FAM219A: variants seen among roughly 807,000 people sequenced by gnomAD.
The protein encoded by FAM219A is protein FAM219A.
Under a neutral mutation model 23.4 loss-of-function variants are expected in FAM219A, and 7 were observed. The observed-to-expected ratio is 0.30, with a 90% confidence interval of 0.17 to 0.56. FAM219A has a LOEUF of 0.56. Among genes scored for constraint, FAM219A ranks in the 20% least tolerant of loss-of-function variants. The probability of loss-of-function intolerance (pLI) is 0.92; values close to 1 mark genes in which losing one functional copy is unlikely to be tolerated. For missense variants in FAM219A, 166 were observed against 246.9 expected (o/e 0.67, Z 2.20); for synonymous variants, 93 against 99.0 (o/e 0.94, Z 0.36).
chr9:34,410,841 A>G (rs1231723487), intron 1 of FAM219A, among the ~76,000 whole-genome samples: 1 of 152,194 alleles, frequency 6.6e-6, no homozygotes, highest in Non-Finnish European at 1.5e-5. Flanking sequence ...GTAGCTGTAC[A>G]ATCTGGGTTT....
chr9:34,404,323 G>C (rs1821555663), intron 2 of FAM219A, among the ~76,000 whole-genome samples: 1 of 152,218 alleles, frequency 6.6e-6, no homozygotes, highest in Non-Finnish European at 1.5e-5. Flanking sequence ...TACAAAAACT[G>C]AAAAGGCTTG....
chr9:34,420,992 A>C (rs113205992), intron 1 of FAM219A, among the ~76,000 whole-genome samples: 13,570 of 105,872 alleles, frequency 0.13, 926 homozygotes, highest in Non-Finnish European at 0.18. Context: ...GTGTGTGTGT[A>C]TGTGTGTGTG....
At chr9:34,401,821 C>G (rs374830232) in intron 4 of FAM219A, 101 bp from the exon 5 acceptor site, 93 of 1,293,750 alleles carry the variant, frequency 7.2e-5, no homozygotes, top group Non-Finnish European at 9.9e-5. Flanking sequence ...ACCTCCCTTA[C>G]AGTTCCAAAT....
rs895446284 is a variant in FAM219A at position 34,398,689 on chromosome 9, A to C, written c.*2275T>G. On this transcript the variant is annotated 3_prime_UTR_variant, in exon 6 of 6. Transcript: ENST00000651358. ...AAGGCAGCAGTCTAAATGAGCCCCCAAAAAGAGGAGGTACCCATGTTCTAG... is the reference window on the plus strand; with the variant it reads ...AAGGCAGCAGTCTAAATGAGCCCCCCAAAAGAGGAGGTACCCATGTTCTAG... 14 of 313,726 alleles carry C rather than the reference A, an allele frequency of 4.5e-5. No individual in the cohort carries two copies. The highest frequency in any genetic ancestry group is 1.1e-4 in the East Asian group (2 of 17,518). The allele number at this position is 313,726 out of a possible 1,614,324, so 19.4% of individuals were successfully genotyped here. A position where few individuals can be genotyped will look rare whatever the true frequency, so the allele number is the denominator to read the frequency against.
intron 1 of FAM219A, among the ~76,000 whole-genome samples, chr9:34,411,798 G>A (rs1821834424): frequency 2.0e-5 from 3 of 152,300 alleles, no homozygotes; most frequent in South Asian, 2.1e-4. Flanking sequence ...TGGGACAAAG[G>A]GAGGGTGGTC....
chr9:34,447,619 T>C (rs1344428045), intron 1 of FAM219A, among the ~76,000 whole-genome samples: 4 of 152,132 alleles, frequency 2.6e-5, no homozygotes, highest in African/African-American at 7.2e-5. Context: ...GGCTTATGGG[T>C]CTCTTCTTGT....
intron 2 of FAM219A, 71 bp downstream of exon 2, chr9:34,405,794 C>T (rs1422495751): frequency 1.4e-6 from 2 of 1,450,324 alleles, no homozygotes; most frequent in Non-Finnish European, 9.6e-7. Context: ...ATTTGTGGCA[C>T]CTCATTGTAG....
At chr9:34,448,328 C>A (rs1823441264) in intron 1 of FAM219A, among the ~76,000 whole-genome samples, 1 of 152,188 alleles carries the variant, frequency 6.6e-6, no homozygotes, top group African/African-American at 2.4e-5. Context: ...AACCAGAATA[C>A]TAGAACTGTT....
intron 1 of FAM219A, among the ~76,000 whole-genome samples, chr9:34,436,346 T>G (rs943258269): frequency 6.6e-6 from 1 of 151,822 alleles, no homozygotes; most frequent in Non-Finnish European, 1.5e-5. Context: ...TGGGTTCAAG[T>G]GATCCTCCCA....
chr9:34,451,033 T>A (rs747939522), intron 1 of FAM219A, among the ~76,000 whole-genome samples: 1 of 152,192 alleles, frequency 6.6e-6, no homozygotes, highest in Non-Finnish European at 1.5e-5. Context: ...TATCTCTGAA[T>A]AACAATAATA....
At chr9:34,422,722 T>G (rs1822324977) in intron 1 of FAM219A, among the ~76,000 whole-genome samples, 1 of 152,140 alleles carries the variant, frequency 6.6e-6, no homozygotes. Context: ...AGAAAATGCG[T>G]TGGAAACTGA....
chr9:34,420,974 G>A (rs574447337), intron 1 of FAM219A, among the ~76,000 whole-genome samples: 3 of 125,526 alleles, frequency 2.4e-5, no homozygotes, highest in East Asian at 2.1e-4. Context: ...AGTGAAACTC[G>A]TGTGTGTGTG....
chr9:34,428,013 C>G (rs1822547836), intron 1 of FAM219A, among the ~76,000 whole-genome samples: 1 of 152,194 alleles, frequency 6.6e-6, no homozygotes, highest in Non-Finnish European at 1.5e-5. Flanking sequence ...GGGCTAAGAT[C>G]AGCCATTAGC....
intron 1 of FAM219A, among the ~76,000 whole-genome samples, chr9:34,442,902 A>G (rs1823233046): frequency 6.6e-6 from 1 of 152,188 alleles, no homozygotes; most frequent in Non-Finnish European, 1.5e-5. Flanking sequence ...TTATTCACCC[A>G]TACCCCACCT....
chr9:34,402,325 G>A (rs1283783521), intron 4 of FAM219A, 62 bp downstream of exon 4: 2 of 1,614,028 alleles, frequency 1.2e-6, no homozygotes, highest in Non-Finnish European at 1.7e-6. Flanking sequence ...GGCCTGTACA[G>A]CCCACTTGTG....
At chr9:34,406,445 A>C (rs2131932697) in intron 1 of FAM219A, 1 of 985,392 alleles carries the variant, frequency 1.0e-6, no homozygotes, top group Non-Finnish European at 1.2e-6. Flanking sequence ...CCTTCACAGG[A>C]TCCAGAGAAC....
intron 2 of FAM219A, among the ~76,000 whole-genome samples, chr9:34,403,263 G>T (rs934752891): frequency 6.6e-6 from 1 of 151,910 alleles, no homozygotes; most frequent in African/African-American, 2.4e-5. Context: ...GAAGAGAGAG[G>T]TCAGGTTAGA....
chr9:34,458,293 G>C lies in FAM219A; in HGVS notation c.-30C>G, dbSNP rs772338563. 4 of 1,373,102 alleles carry C rather than the reference G, an allele frequency of 2.9e-6. No individual in the cohort carries two copies. Among genetic ancestry groups the C allele is most frequent in the South Asian group, 1.8e-5 (1 of 55,760 alleles). 85.1% of individuals were successfully genotyped at this position (1,373,102 alleles called of 1,614,324 possible). On this transcript the variant is annotated 5_prime_UTR_variant, in exon 1 of 6. Coordinates refer to ENST00000651358, the MANE Select transcript of FAM219A (RefSeq NM_001184940.2). This position sits in a 1 kb window ranked among gnomAD's most constrained non-coding sequence, Gnocchi z 6.6. ...CCGGCGGGCGAGCGGGCCAGGGGCC[G>C]GGCGCGGCCGCGGACGCCGACAGGA...
chr9:34,399,857 A>C lies in FAM219A; in HGVS notation c.*1107T>G, dbSNP rs1195793593. 6.6e-6 allele frequency: 1 copy of C among 152,336 alleles called. No individual in the cohort carries two copies. The highest frequency in any genetic ancestry group is 1.5e-5 in the Non-Finnish European group (1 of 68,142). 9.4% of individuals were successfully genotyped at this position (152,336 alleles called of 1,614,324 possible). A position where few individuals can be genotyped will look rare whatever the true frequency, so the allele number is the denominator to read the frequency against. ...ATTGCACTGCTGAGCCGCCTTCTGC[A>C]CTGTAAACAGACCACACAGGCACTT... On this transcript the variant is annotated 3_prime_UTR_variant, in exon 6 of 6. Coordinates refer to ENST00000651358, the MANE Select transcript of FAM219A (RefSeq NM_001184940.2).
Sources: gnomAD v4.1 joint callset for allele counts (sites outside exome capture counted in the v4.1 genomes callset) on GRCh38, gnomAD v4.1.1 for gene constraint, Gnocchi (gnomAD v3.1) non-coding constraint, MANE v1.5 for transcripts, NCBI Gene and HGNC (gene_info 2026-07-23, HGNC 2026-07-21) for gene names.